Variants in BMP6 observed in about 807,000 individuals in gnomAD.
BMP6 encodes bone morphogenetic protein 6.
BMP6 carries 17 observed loss-of-function variants against 54.1 expected under a neutral mutation model. The ratio of observed to expected loss-of-function variants is 0.31; its 90% CI spans 0.22 to 0.47. The LOEUF is 0.47. Among genes scored for constraint, BMP6 ranks in the 20% least tolerant of loss-of-function variants. BMP6 has a pLI of 1.00. For missense variants in BMP6, 720 were observed against 690.4 expected (o/e 1.04, Z -0.48); for synonymous variants, 328 against 291.2 (o/e 1.13, Z -1.28).
chr6:7,727,553 C>A lies in BMP6; in HGVS notation c.598C>A (p.Leu200Met). 6.3e-7 allele frequency: 1 copy of A among 1,593,890 alleles called. No individual in the cohort carries two copies. Among genetic ancestry groups the A allele is most frequent in the Non-Finnish European group, 8.5e-7 (1 of 1,177,470 alleles). Residue 200 changes from leucine to methionine, a missense_variant, in exon 1 of 7, where the codon CTG (leucine) becomes ATG (methionine). Transcript: ENST00000283147. ...PGSGSGGASP[L>M]TSAQDSAFLN... is the part of the protein sequence containing the mutation. ...ATCTGGCAGCGGCGGCGCGTCCCCA[C>A]TGACCAGCGCGCAGGACAGCGCCTT...
chr6:7,729,216 G>C (rs894179674), intron 1 of BMP6, among the ~76,000 whole-genome samples: 3 of 152,200 alleles, frequency 2.0e-5, no homozygotes, highest in African/African-American at 7.2e-5. Context: ...GTGGGGGCCA[G>C]GGTGGCAGAG....
chr6:7,876,024 G>C (rs1348600266), intron 4 of BMP6, among the ~76,000 whole-genome samples: 1 of 152,162 alleles, frequency 6.6e-6, no homozygotes, highest in Non-Finnish European at 1.5e-5. Context: ...CCGTACTTCA[G>C]ATGCTAGGGG....
chr6:7,771,577 A>T (rs188194191), intron 1 of BMP6, among the ~76,000 whole-genome samples: 12 of 152,316 alleles, frequency 7.9e-5, no homozygotes, highest in Admixed American at 7.2e-4. Flanking sequence ...GGTGGAGCGG[A>T]CATTAAGCCC....
intron 1 of BMP6, among the ~76,000 whole-genome samples, chr6:7,792,194 C>T (rs142647444): frequency 1.8e-4 from 27 of 152,274 alleles, no homozygotes; most frequent in African/African-American, 6.3e-4. Flanking sequence ...GGGAAACCTC[C>T]GTTTTTGCTC....
At chr6:7,741,482 A>C (rs530295709) in intron 1 of BMP6, among the ~76,000 whole-genome samples, 1 of 132,026 alleles carries the variant, frequency 7.6e-6, no homozygotes, top group South Asian at 2.8e-4. Flanking sequence ...TTTTTTGTAG[A>C]GATGGGGTCT....
intron 1 of BMP6, among the ~76,000 whole-genome samples, chr6:7,808,152 C>T (rs1306569595): frequency 6.6e-6 from 1 of 151,922 alleles, no homozygotes; most frequent in Non-Finnish European, 1.5e-5. Flanking sequence ...GATTTCCTGA[C>T]CTTGTGATCT....
chr6:7,808,082 G>A (rs919405661), intron 1 of BMP6, among the ~76,000 whole-genome samples: 2 of 151,678 alleles, frequency 1.3e-5, no homozygotes, highest in Non-Finnish European at 1.5e-5. Flanking sequence ...CACCACACCC[G>A]GCTAATTTTT....
intron 1 of BMP6, among the ~76,000 whole-genome samples, chr6:7,812,972 G>GAA (rs67331565): frequency 0.37 from 50,905 of 137,424 alleles, 9,781 homozygotes; most frequent in Middle Eastern, 0.5. Context: ...CAAAGGTGAG[G>GAA]AAAAAAAAAA....
At chr6:7,742,294 G>C (rs150855845) in intron 1 of BMP6, among the ~76,000 whole-genome samples, 4 of 152,182 alleles carry the variant, frequency 2.6e-5, no homozygotes, top group African/African-American at 9.7e-5. Context: ...AAGTCAGAAA[G>C]ACATGCCGCT....
At chr6:7,835,107 C>T (rs541245895) in intron 1 of BMP6, among the ~76,000 whole-genome samples, 15 of 140,420 alleles carry the variant, frequency 1.1e-4, no homozygotes, top group East Asian at 2.6e-4. Context: ...CCAGATCACC[C>T]GGGAAGGAAT....
chr6:7,808,914 T>TAAAAAAAAA (rs70982107), intron 1 of BMP6, among the ~76,000 whole-genome samples: 7 of 89,002 alleles, frequency 7.9e-5, no homozygotes, highest in African/African-American at 3.3e-4. Context: ...ACCCTGTCTC[T>TAAAAAAAAA]AAAAAAAAAA....
intron 1 of BMP6, among the ~76,000 whole-genome samples, chr6:7,750,541 G>A (rs550601155): frequency 6.6e-6 from 1 of 152,240 alleles, no homozygotes; most frequent in Non-Finnish European, 1.5e-5. Flanking sequence ...TTTATTGGAT[G>A]GTTTGCTTGT....
At chr6:7,839,632 C>T (rs1032395434) in intron 1 of BMP6, among the ~76,000 whole-genome samples, 6 of 152,204 alleles carry the variant, frequency 3.9e-5, no homozygotes, top group African/African-American at 1.4e-4. Context: ...TACCATGTGT[C>T]AGAATTTCCT....
At chr6:7,754,393 G>A (rs1757478355) in intron 1 of BMP6, among the ~76,000 whole-genome samples, 1 of 152,178 alleles carries the variant, frequency 6.6e-6, no homozygotes, top group South Asian at 2.1e-4. Context: ...AGAGGCATGA[G>A]CCACCACGCC....
At chr6:7,858,527 C>T (rs1401342779) in intron 2 of BMP6, among the ~76,000 whole-genome samples, 1 of 152,044 alleles carries the variant, frequency 6.6e-6, no homozygotes, top group Non-Finnish European at 1.5e-5. Context: ...TCAGCCTCTG[C>T]CCTGTCTGCT....
In BMP6 at chr6:7,745,092, C is replaced by A. The variant is rs368982399; in HGVS notation, c.664+17473C>A. Among the ~76,000 whole-genome samples the A allele has an allele frequency of 1.6e-4, 24 of 152,228 alleles. No homozygotes were observed. The East Asian group carries it at 4.6e-3, about 29-fold the overall frequency. On this transcript the variant is annotated intron_variant, in intron 1 of 6. Transcript: ENST00000283147. ...TCCAATAGGATCGTATTGGCCATTG[C>A]CAGAAATGGAACTCTGTTCATTGTT...
chr6:7,834,088 T>G (rs1468852877), intron 1 of BMP6, among the ~76,000 whole-genome samples: 1 of 151,022 alleles, frequency 6.6e-6, no homozygotes, highest in African/African-American at 2.4e-5. Flanking sequence ...TGGGACAGGG[T>G]AGTGGGGAGC....
At chr6:7,777,916 C>T (rs1390217486) in intron 1 of BMP6, among the ~76,000 whole-genome samples, 6 of 152,238 alleles carry the variant, frequency 3.9e-5, no homozygotes, top group Admixed American at 3.3e-4. Flanking sequence ...TTCATGTTTT[C>T]TTTGGCTTAA....
chr6:7,794,267 T>G (rs978857336), intron 1 of BMP6, among the ~76,000 whole-genome samples: 6 of 152,186 alleles, frequency 3.9e-5, no homozygotes, highest in African/African-American at 7.2e-5. Context: ...TCTCTTGTTC[T>G]GCTGTAAGGA....
Sources: allele counts gnomAD v4.1 joint callset (sites outside exome capture counted in the v4.1 genomes callset), GRCh38; gene constraint gnomAD v4.1.1; transcripts MANE v1.5; gene names NCBI Gene and HGNC (gene_info 2026-07-23, HGNC 2026-07-21).